The following NPLOC4 variants were observed in gnomAD, a reference collection of about 807,000 sequenced individuals.
NPLOC4 encodes the protein nuclear protein localization protein 4 homolog.
In NPLOC4, 18 loss-of-function variants were observed where a neutral mutation model predicts 80.6. That is an observed-to-expected ratio of 0.22 (90% CI 0.15 to 0.33). The LOEUF (loss-of-function observed/expected upper bound fraction) is 0.33. NPLOC4 is among the 10% of genes least tolerant of loss of function. NPLOC4 has a pLI of 1.00. For missense variants in NPLOC4, 540 were observed against 786.1 expected, an observed-to-expected ratio of 0.69 and a Z score of 3.74; for synonymous variants, 313 against 301.5, an observed-to-expected ratio of 1.04 and a Z score of -0.39.
intron 15 of NPLOC4, chr17:81,566,865 C>A (rs2034026365): frequency 1.9e-5 from 3 of 154,256 alleles, no homozygotes; most frequent in Admixed American, 1.9e-4. Flanking sequence ...TGCCCACTGG[C>A]CCCCACTACC....
chr17:81,569,977 C>A (rs967072967), intron 13 of NPLOC4, among the ~76,000 whole-genome samples: 1 of 152,252 alleles, frequency 6.6e-6, no homozygotes. Context: ...GGTCACACCT[C>A]TTCCAGATTT....
chr17:81,616,337 A>AAAAAAAAGAAAC (rs2035487174), intron 3 of NPLOC4, among the ~76,000 whole-genome samples: 1 of 148,126 alleles, frequency 6.8e-6, no homozygotes, highest in African/African-American at 2.5e-5. Context: ...AAAAAAAAAA[A>AAAAAAAAGAAAC]AGAAAAGCAA....
At chr17:81,560,172 C>T (rs1366556715) in intron 16 of NPLOC4, among the ~76,000 whole-genome samples, 2 of 151,322 alleles carry the variant, frequency 1.3e-5, no homozygotes, top group Admixed American at 1.3e-4. Flanking sequence ...AATCCCAGCA[C>T]TTTGGGAGGC....
In NPLOC4 at chr17:81,613,432, G is replaced by T. The variant is rs375439242; in HGVS notation, c.272C>A (p.Thr91Lys). Residue 91 changes from threonine to lysine, a missense_variant, in exon 4 of 17, where the codon ACG (threonine) becomes AAG (lysine). By Grantham distance (78) the Thr-to-Lys change is moderately conservative. This residue lies in a region of NPLOC4 where 74 missense variants were observed against 75.7 expected (regional missense o/e 0.98). Coordinates refer to ENST00000331134, the MANE Select transcript of NPLOC4 (RefSeq NM_017921.4). ...GACTTTGAAGCCCGGTGGAACTGAC[G>T]TCTCCATTTCAGATGAGGGCCCAGC... ...SLAGPSSEME[T>K]SVPPGFKVFG... is the part of the protein sequence containing the mutation. 3 of 1,613,876 alleles carry T rather than the reference G, an allele frequency of 1.9e-6. No homozygotes were observed. The highest frequency in any genetic ancestry group is 1.7e-5 in the Admixed American group (1 of 59,980).
In NPLOC4 at chr17:81,559,349, G is replaced by C; in HGVS notation, c.1737C>G (p.Ala579=). The change falls in exon 17 of 17, where the codon GCC becomes GCG. Residue 579 remains alanine (A), a synonymous_variant. Transcript: ENST00000331134. The part of the protein sequence containing the change: ...YGAVGGSTHT[A]TAAMWACQHC... ...GCTGACAGGCCCACATGGCTGCAGT[G>C]GCCGTGTGTGTGGAGCCCCCGACGG... The C allele has an allele frequency of 6.2e-7, 1 of 1,607,650 alleles. No individual in the cohort carries two copies. Among genetic ancestry groups the C allele is most frequent in the Non-Finnish European group, 8.5e-7 (1 of 1,177,508 alleles).
chr17:81,560,617 G>C (rs368555670), intron 16 of NPLOC4: 1 of 152,296 alleles, frequency 6.6e-6, no homozygotes, highest in Non-Finnish European at 1.5e-5. Context: ...TGAGGAAGGA[G>C]AATGGCGTGA....
At chr17:81,566,398 T>G (rs1267384404) in intron 15 of NPLOC4, 2 of 152,242 alleles carry the variant, frequency 1.3e-5, no homozygotes, top group Non-Finnish European at 2.9e-5. Flanking sequence ...CTCCAGAGAA[T>G]GTCTTCCAAC....
chr17:81,584,492 T>C (rs1169029521), intron 12 of NPLOC4, among the ~76,000 whole-genome samples: 1 of 152,140 alleles, frequency 6.6e-6, no homozygotes. Flanking sequence ...CAGTTAATGA[T>C]AAAATCCTAA....
chr17:81,590,757 C>T (rs1462620165), intron 11 of NPLOC4, among the ~76,000 whole-genome samples: 1 of 152,142 alleles, frequency 6.6e-6, no homozygotes, highest in Non-Finnish European at 1.5e-5. Context: ...GTGCACATGG[C>T]TGTCAAACAT....
chr17:81,587,032 G>C (rs1302083804), intron 12 of NPLOC4, among the ~76,000 whole-genome samples: 1 of 152,194 alleles, frequency 6.6e-6, no homozygotes, highest in African/African-American at 2.4e-5. Context: ...CAGCACGCCA[G>C]TAACAAGGAC....
chr17:81,569,246 A>T (rs1363167706), intron 13 of NPLOC4, 135 bp from the exon 14 acceptor site: 1 of 627,298 alleles, frequency 1.6e-6, no homozygotes, highest in African/African-American at 1.8e-5. Flanking sequence ...CAAGCTCTCC[A>T]TCAAAGGGAA....
intron 2 of NPLOC4, among the ~76,000 whole-genome samples, chr17:81,626,597 G>A (rs1017532261): frequency 3.3e-5 from 5 of 152,098 alleles, no homozygotes; most frequent in African/African-American, 1.2e-4. Context: ...CCAGCATCCA[G>A]GAGACAGAGT....
chr17:81,589,246 G>C, intron 11 of NPLOC4, 142 bp from the exon 12 acceptor site: 1 of 693,018 alleles, frequency 1.4e-6, no homozygotes, highest in Non-Finnish European at 2.3e-6. Flanking sequence ...ATGTTCAGTA[G>C]TCGGCCGGGT....
In NPLOC4 at chr17:81,558,964, C is replaced by A; in HGVS notation, c.*295G>T. ...CCCAATTCCAGGTGCCACGTAGAGG[C>A]GAGAGGTCTTTCCAACACGGCGGGG... is the stretch of plus-strand genomic sequence containing the variant. On this transcript the variant is annotated 3_prime_UTR_variant, in exon 17 of 17. Coordinates refer to ENST00000331134, the MANE Select transcript of NPLOC4 (RefSeq NM_017921.4). 1 of 312,688 alleles carries A rather than the reference C, an allele frequency of 3.2e-6. No homozygotes were observed. Among genetic ancestry groups the A allele is most frequent in the East Asian group, 5.8e-5 (1 of 17,242 alleles). The allele number at this position is 312,688 out of a possible 1,614,324, so 19.4% of individuals were successfully genotyped here. A position where few individuals can be genotyped will look rare whatever the true frequency, so the allele number is the denominator to read the frequency against.
At chr17:81,562,915 G>T (rs1287700582) in intron 16 of NPLOC4, 1 of 151,328 alleles carries the variant, frequency 6.6e-6, no homozygotes, top group African/African-American at 2.4e-5. Flanking sequence ...TTCAGCCTGG[G>T]TGACAGAGTG....
chr17:81,559,220 TG>T lies in NPLOC4; in HGVS notation c.*38del. 6.4e-7 allele frequency: 1 copy of T among 1,558,682 alleles called. No individual in the cohort carries two copies. On this transcript the variant is annotated 3_prime_UTR_variant, in exon 17 of 17. Coordinates refer to ENST00000331134, the MANE Select transcript of NPLOC4 (RefSeq NM_017921.4). ...CAACGCTTCTGGCTTCAGGAAGGGC[TG>T]GGCTGGGCCCGGTCCTAGCCAGCAG...
At chr17:81,584,347 A>G (rs2034519186) in intron 12 of NPLOC4, among the ~76,000 whole-genome samples, 1 of 152,262 alleles carries the variant, frequency 6.6e-6, no homozygotes. Context: ...CAGAATGATT[A>G]AGGAAATGTC....
intron 12 of NPLOC4, among the ~76,000 whole-genome samples, chr17:81,581,913 C>T (rs1255242534): frequency 6.6e-6 from 1 of 152,190 alleles, no homozygotes; most frequent in Non-Finnish European, 1.5e-5. Flanking sequence ...AGCTAGTAGC[C>T]TCGCTATGCC....
rs545423110 is a variant in NPLOC4, at chr17:81,571,908, G to A, written c.1353+109C>T. 10 of 664,664 alleles carry A rather than the reference G, an allele frequency of 1.5e-5. No individual in the cohort carries two copies. The South Asian group carries it at 2.4e-4, about 16-fold the overall frequency. The allele number at this position is 664,664 out of a possible 1,614,324, so 41.2% of individuals were successfully genotyped here. On this transcript the variant is annotated intron_variant, in intron 13 of 16. Coordinates refer to ENST00000331134, the MANE Select transcript of NPLOC4 (RefSeq NM_017921.4). Reference sequence around the variant, plus strand: ...TGGGGTGGGCACTGCTCAAGGCAGAGGGTGCCTTAAATTGCAGCCTCCTCC... The same window carrying A: ...TGGGGTGGGCACTGCTCAAGGCAGAAGGTGCCTTAAATTGCAGCCTCCTCC...
Sources: allele counts gnomAD v4.1 joint callset (sites outside exome capture counted in the v4.1 genomes callset), GRCh38; gene constraint gnomAD v4.1.1; regional missense constraint gnomAD v4.1.1; transcripts MANE v1.5; gene names NCBI Gene and HGNC (gene_info 2026-07-23, HGNC 2026-07-21).